SUPT3H: variants seen among roughly 807,000 people sequenced by gnomAD.
SUPT3H encodes SPT3 homolog, SAGA and STAGA complex component, also known as transcription initiation protein SPT3 homolog.
A neutral mutation model predicts 44.3 loss-of-function variants in SUPT3H; 44 were observed. The ratio of observed to expected loss-of-function variants is 0.99; its 90% CI spans 0.78 to 1.28. The LOEUF (loss-of-function observed/expected upper bound fraction) is 1.28. Among genes scored for constraint, SUPT3H ranks in the 50% most tolerant of loss-of-function variants. SUPT3H has a pLI of 0.00. For missense variants in SUPT3H, 380 were observed against 387.1 expected, an observed-to-expected ratio of 0.98 and a Z score of 0.15; for synonymous variants, 124 against 125.6, an observed-to-expected ratio of 0.99 and a Z score of 0.09.
intron 2 of SUPT3H, among the ~76,000 whole-genome samples, chr6:45,208,098 T>C (rs1314093919): frequency 3.9e-5 from 6 of 152,168 alleles, no homozygotes; most frequent in Non-Finnish European, 7.3e-5. Context: ...GCTACTCCAG[T>C]GAATACAAGA....
chr6:45,314,689 A>C (rs1286692032), intron 2 of SUPT3H, among the ~76,000 whole-genome samples: 1 of 152,214 alleles, frequency 6.6e-6, no homozygotes, highest in Non-Finnish European at 1.5e-5. Context: ...GGCCAGAATC[A>C]GTATTGTGAA....
chr6:45,341,566 T>G (rs760472391), intron 2 of SUPT3H, among the ~76,000 whole-genome samples: 1 of 152,146 alleles, frequency 6.6e-6, no homozygotes, highest in South Asian at 2.1e-4. Context: ...ATTAGAAACA[T>G]CCACTGAAAA....
intron 2 of SUPT3H, among the ~76,000 whole-genome samples, chr6:45,350,372 T>C (rs1791768472): frequency 6.6e-6 from 1 of 152,202 alleles, no homozygotes; most frequent in Non-Finnish European, 1.5e-5. Context: ...CACAATAAAA[T>C]ACAAGGAATT....
intron 2 of SUPT3H, among the ~76,000 whole-genome samples, chr6:45,358,319 C>CA (rs1793606483): frequency 6.6e-6 from 1 of 152,172 alleles, no homozygotes; most frequent in African/African-American, 2.4e-5. Flanking sequence ...TTCAGTTGCT[C>CA]AGCTGCCTGG....
chr6:45,129,413 C>T (rs552072611), intron 2 of SUPT3H, among the ~76,000 whole-genome samples: 4 of 152,284 alleles, frequency 2.6e-5, no homozygotes, highest in Non-Finnish European at 4.4e-5. Flanking sequence ...ATCAAGTCCT[C>T]GCACAACAAA....
chr6:45,044,019 A>G (rs1180835827), intron 3 of SUPT3H, among the ~76,000 whole-genome samples: 1 of 152,182 alleles, frequency 6.6e-6, no homozygotes, highest in Non-Finnish European at 1.5e-5. Context: ...CTATACTTTC[A>G]TTTGTAACAA....
At chr6:44,991,065 C>G (rs1005865820) in intron 6 of SUPT3H, among the ~76,000 whole-genome samples, 1 of 151,872 alleles carries the variant, frequency 6.6e-6, no homozygotes, top group African/African-American at 2.4e-5. Context: ...CTGTCTTCTA[C>G]TATTTGAGGT....
In SUPT3H at chr6:44,847,958, C is replaced by CTTTTTTTTTTTTTTTTTTT. The variant is rs969869912; in HGVS notation, c.913-18120_913-18102dup. Among the ~76,000 whole-genome samples, 5 of 58,392 alleles carry CTTTTTTTTTTTTTTTTTTT rather than the reference C, an allele frequency of 8.6e-5. 2 individuals are homozygous for CTTTTTTTTTTTTTTTTTTT. Among genetic ancestry groups the CTTTTTTTTTTTTTTTTTTT allele is most frequent in the African/African-American group, 3.4e-4 (5 of 14,616 alleles). 38.3% of individuals were successfully genotyped at this position (58,392 alleles called of 152,430 possible). On this transcript the variant is annotated intron_variant, in intron 10 of 10. Transcript: ENST00000371459. ...CTAGTGTTGACAGTTATCTCTGTGT[C>CTTTTTTTTTTTTTTTTTTT]TTTTTTTTTTTTTTTTTTTTTTTTT...
chr6:44,837,892 A>G (rs1770210359), intron 10 of SUPT3H, among the ~76,000 whole-genome samples: 1 of 152,188 alleles, frequency 6.6e-6, no homozygotes, highest in Non-Finnish European at 1.5e-5. Context: ...AAGGTCTTAG[A>G]CAATACTGAT....
At chr6:45,237,692 ACAATGGC>A (rs1562765143) in intron 2 of SUPT3H, among the ~76,000 whole-genome samples, 1 of 152,182 alleles carries the variant, frequency 6.6e-6, no homozygotes, top group Non-Finnish European at 1.5e-5. Context: ...TTTGGATAGA[ACAATGGC>A]TGCTAAGTAA....
chr6:45,231,415 C>T (rs544797329), intron 2 of SUPT3H, among the ~76,000 whole-genome samples: 99 of 152,268 alleles, frequency 6.5e-4, no homozygotes, highest in African/African-American at 2.0e-3. Context: ...TTAAATATAT[C>T]CTCCCATTCT....
intron 2 of SUPT3H, among the ~76,000 whole-genome samples, chr6:45,116,565 AT>A (rs1186670658): frequency 6.6e-6 from 1 of 152,172 alleles, no homozygotes. Flanking sequence ...GTTTTTAAAA[AT>A]TAATTTCCAT....
intron 6 of SUPT3H, among the ~76,000 whole-genome samples, chr6:44,979,833 TCAAA>T (rs2153488830): frequency 6.6e-6 from 1 of 152,304 alleles, no homozygotes; most frequent in African/African-American, 2.4e-5. Flanking sequence ...GCAATTACTG[TCAAA>T]CAGATTGGAA....
rs944277575 is a variant in SUPT3H at position 45,327,287 on chromosome 6, T to C, written c.101+37914A>G. Among the ~76,000 whole-genome samples the C allele has an allele frequency of 2.6e-5, 4 of 151,966 alleles. 1 individual carries two copies. Among genetic ancestry groups the C allele is most frequent in the African/African-American group, 9.7e-5 (4 of 41,434 alleles). On this transcript the variant is annotated intron_variant, in intron 2 of 10. Transcript: ENST00000371459. ...CTTCCATTAGAAACAAAAAAATACA[T>C]AGCTTCTGTTAACCCACTCTATTCT...
intron 10 of SUPT3H, among the ~76,000 whole-genome samples, chr6:44,909,696 GA>G (rs1562024568): frequency 6.6e-6 from 1 of 152,148 alleles, no homozygotes; most frequent in African/African-American, 2.4e-5. Context: ...CAGATGGAGA[GA>G]GGCGCATGGA....
At chr6:45,202,941 G>T (rs1253750771) in intron 2 of SUPT3H, among the ~76,000 whole-genome samples, 2 of 151,828 alleles carry the variant, frequency 1.3e-5, no homozygotes, top group East Asian at 1.9e-4. Context: ...AATCACTAGA[G>T]ATCAATTACA....
chr6:45,031,798 C>G (rs879462496), intron 3 of SUPT3H, among the ~76,000 whole-genome samples: 4 of 152,104 alleles, frequency 2.6e-5, no homozygotes, highest in Non-Finnish European at 5.9e-5. Flanking sequence ...AGTCAATGCT[C>G]TAAGGGAAAC....
At chr6:45,177,585 C>T (rs1352544689) in intron 2 of SUPT3H, among the ~76,000 whole-genome samples, 4 of 151,906 alleles carry the variant, frequency 2.6e-5, no homozygotes, top group South Asian at 2.1e-4. Context: ...AAAGATACTC[C>T]TCGAGAAGAG....
intron 2 of SUPT3H, among the ~76,000 whole-genome samples, chr6:45,201,073 T>G (rs1313380483): frequency 6.6e-6 from 1 of 151,656 alleles, no homozygotes; most frequent in African/African-American, 2.4e-5. Flanking sequence ...TTTCTGATGA[T>G]TAGTAACTTA....
Sources: gnomAD v4.1 joint callset for allele counts (sites outside exome capture counted in the v4.1 genomes callset) on GRCh38, gnomAD v4.1.1 for gene constraint, MANE v1.5 for transcripts, NCBI Gene and HGNC (gene_info 2026-07-23, HGNC 2026-07-21) for gene names.